The following BAZ2B variants were observed in gnomAD, a reference collection of about 807,000 sequenced individuals.
BAZ2B encodes the protein bromodomain adjacent to zinc finger domain protein 2B.
BAZ2B carries 91 observed loss-of-function variants against 246.0 expected under a neutral mutation model. The observed-to-expected ratio is 0.37, with a 90% CI of 0.31 to 0.44. The LOEUF is 0.44. Among genes scored for constraint, BAZ2B ranks in the 20% least tolerant of loss-of-function variants. The pLI is 1.00. For synonymous variants in BAZ2B, 855 were observed against 860.0 expected (o/e 0.99, Z 0.10); for missense variants, 2,332 against 2,533.7 (o/e 0.92, Z 1.71).
At chr2:159,349,340 G>T in intron 28 of BAZ2B, 60 bp from the exon 29 acceptor site, 1 of 1,436,362 alleles carries the variant, frequency 7.0e-7, no homozygotes, top group Non-Finnish European at 9.2e-7. Context: ...TAGGAAAAAT[G>T]TTTGGAATAT....
the BAZ2B span, among the ~76,000 whole-genome samples, chr2:159,696,007 A>G: frequency 0.93 from 142,218 of 152,188 alleles, 66,579 homozygotes; most frequent in African/African-American, 0.97. Context: ...GCGATCCCCA[A>G]CCTTAGCCTC....
the BAZ2B span, chr2:159,689,326 G>A: frequency 2.4e-5 from 9 of 372,628 alleles, no homozygotes; most frequent in Admixed American, 8.2e-5. Context: ...GAAGCTCCAT[G>A]AGTTTTCCCA....
chr2:159,493,796 A>G (rs1445039830), intron 2 of BAZ2B, among the ~76,000 whole-genome samples: 1 of 152,196 alleles, frequency 6.6e-6, no homozygotes, highest in East Asian at 1.9e-4. Context: ...ATTTTGTTCT[A>G]TTTGCAATAT....
At chr2:159,465,066 G>C (rs552091996) in intron 3 of BAZ2B, among the ~76,000 whole-genome samples, 69 of 152,316 alleles carry the variant, frequency 4.5e-4, no homozygotes, top group African/African-American at 1.6e-3. Flanking sequence ...GTGTGACTTA[G>C]AACAACAGAA....
chr2:159,503,981 G>A (rs2082082491), intron 2 of BAZ2B, among the ~76,000 whole-genome samples: 1 of 152,146 alleles, frequency 6.6e-6, no homozygotes, highest in African/African-American at 2.4e-5. Context: ...TTGCTTTAAT[G>A]TTTTCTGAAT....
chr2:159,576,905 T>G (rs1685458512), intron 1 of BAZ2B, among the ~76,000 whole-genome samples: 1 of 79,330 alleles, frequency 1.3e-5, no homozygotes, highest in Non-Finnish European at 2.4e-5. Context: ...AGAGTGAGAC[T>G]GTGTCTCAAA....
chr2:159,464,078 T>C (rs978230807), intron 3 of BAZ2B: 1 of 152,188 alleles, frequency 6.6e-6, no homozygotes, highest in Admixed American at 6.5e-5. Context: ...ACAGAGTTCC[T>C]ATATACTGTC....
intron 13 of BAZ2B, among the ~76,000 whole-genome samples, chr2:159,413,377 C>A (rs1260385913): frequency 1.3e-5 from 2 of 152,080 alleles, no homozygotes; most frequent in African/African-American, 4.8e-5. Flanking sequence ...AATTTGTGGA[C>A]CTTACTTGGA....
chr2:159,476,906 C>A (rs1217751371), intron 3 of BAZ2B, among the ~76,000 whole-genome samples: 1 of 152,188 alleles, frequency 6.6e-6, no homozygotes, highest in African/African-American at 2.4e-5. Context: ...GGCTTGGACA[C>A]TTACAGTCCA....
the BAZ2B span, among the ~76,000 whole-genome samples, chr2:159,701,908 T>G: frequency 2.6e-5 from 4 of 152,146 alleles, no homozygotes; most frequent in East Asian, 5.8e-4. Context: ...TTTGTATTTT[T>G]AGTAGAGAAA....
chr2:159,315,854 T>C (rs748308082), downstream of BAZ2B, among the ~76,000 whole-genome samples: 1 of 152,224 alleles, frequency 6.6e-6, no homozygotes, highest in Non-Finnish European at 1.5e-5. Context: ...GCAGGCAACC[T>C]AGGTTTTCAT....
chr2:159,362,019 T>A (rs952495645), intron 27 of BAZ2B, among the ~76,000 whole-genome samples: 1 of 152,182 alleles, frequency 6.6e-6, no homozygotes, highest in South Asian at 2.1e-4. Flanking sequence ...GACGGGTTGA[T>A]GGGTGCAGCA....
chr2:159,597,692 G>C (rs1340371822), intron 1 of BAZ2B, among the ~76,000 whole-genome samples: 4 of 151,994 alleles, frequency 2.6e-5, no homozygotes, highest in African/African-American at 9.7e-5. Context: ...ACACCCTCAG[G>C]TGATCTGCCC....
Position 159,508,850 on chromosome 2 carries a change from G to A in BAZ2B, c.-2-30129C>T, listed in dbSNP as rs536864068. 3.3e-5 allele frequency among the ~76,000 whole-genome samples: 5 copies of A among 152,220 alleles called. No individual in the cohort carries two copies. In the South Asian group the frequency reaches 1.0e-3, roughly 32 times the overall value. ...TATTTCCTTATTGAATCCACAAGTG[G>A]TAATTCATTACTGTTTGTGGGTTTG... On this transcript the variant is annotated intron_variant, in intron 2 of 36. Coordinates refer to ENST00000392783, the MANE Select transcript of BAZ2B (RefSeq NM_013450.4).
At chr2:159,696,030 G>A in the BAZ2B span, among the ~76,000 whole-genome samples, 1 of 152,194 alleles carries the variant, frequency 6.6e-6, no homozygotes, top group South Asian at 2.1e-4. Flanking sequence ...AAAGTGCTGG[G>A]ATGACAAGTG....
Position 159,325,650 on chromosome 2 carries a change from T to A in BAZ2B, c.6209+3A>T, listed in dbSNP as rs1575611933. 1.3e-6 allele frequency: 2 copies of A among 1,579,754 alleles called. No homozygotes were observed. The highest frequency in any genetic ancestry group is 2.3e-5 in the East Asian group (1 of 44,032). ...ATACAGTGCATGAAAACGGAAATAA[T>A]ACCTGCAAAGAGCTAGGTCCTTGGA... is the stretch of plus-strand genomic sequence containing the variant. On this transcript the variant is annotated splice_donor_region_variant and intron_variant, in intron 35 of 36. Coordinates refer to ENST00000392783, the MANE Select transcript of BAZ2B (RefSeq NM_013450.4).
At chr2:159,510,027 A>G (rs1239684735) in intron 2 of BAZ2B, among the ~76,000 whole-genome samples, 1 of 152,166 alleles carries the variant, frequency 6.6e-6, no homozygotes, top group Non-Finnish European at 1.5e-5. Flanking sequence ...TGAAAACTCT[A>G]AAGTGAGATA....
intron 27 of BAZ2B, among the ~76,000 whole-genome samples, chr2:159,353,737 T>G (rs1359025555): frequency 3.3e-5 from 5 of 152,190 alleles, no homozygotes; most frequent in African/African-American, 9.6e-5. Flanking sequence ...GTGGGAAACC[T>G]CAAGATTCAT....
chr2:159,645,279 G>A, the BAZ2B span, among the ~76,000 whole-genome samples: 2 of 45,156 alleles, frequency 4.4e-5, no homozygotes, highest in South Asian at 5.4e-4. Context: ...TCTAAAAAAA[G>A]TTTTTTTTTT....
Sources: gnomAD v4.1 joint callset for allele counts (sites outside exome capture counted in the v4.1 genomes callset) on GRCh38, gnomAD v4.1.1 for gene constraint, MANE v1.5 for transcripts, NCBI Gene and HGNC (gene_info 2026-07-23, HGNC 2026-07-21) for gene names.